The following VPS13C variants were observed in gnomAD, a reference collection of about 807,000 sequenced individuals.
The protein encoded by VPS13C is vacuolar protein sorting 13 homolog C.
In VPS13C, 358 loss-of-function variants were observed where a neutral mutation model predicts 456.8. The ratio of observed to expected loss-of-function variants is 0.78; its 90% CI spans 0.72 to 0.86. The LOEUF (loss-of-function observed/expected upper bound fraction) is 0.86. Ranked by LOEUF, VPS13C falls within the 40% of genes least tolerant of loss-of-function variation. The pLI is 0.00. For missense variants in VPS13C, 4,818 were observed against 4,385.4 expected (o/e 1.10, Z -2.79); for synonymous variants, 1,578 against 1,486.7 (o/e 1.06, Z -1.41).
At chr15:61,918,349 A>C in intron 58 of VPS13C, 92 bp from the exon 59 acceptor site, 1 of 1,236,958 alleles carries the variant, frequency 8.1e-7, no homozygotes, top group African/African-American at 1.6e-5. Context: ...TAGATCTAAA[A>C]AATTTCAAAC....
chr15:61,994,730 C>T (rs1284263237), intron 16 of VPS13C, among the ~76,000 whole-genome samples: 1 of 151,972 alleles, frequency 6.6e-6, no homozygotes, highest in Non-Finnish European at 1.5e-5. Context: ...GCTGAGATTA[C>T]ATGTGTGTGC....
In VPS13C at chr15:61,925,485, T is replaced by A; in HGVS notation, c.6580A>T (p.Asn2194Tyr). Residue 2194 changes from asparagine to tyrosine, a missense_variant, in exon 53 of 85, where the codon AAT (asparagine) becomes TAT (tyrosine). By Grantham distance (143) the Asn-to-Tyr change is moderately radical. This residue lies in a region of VPS13C where 4,552 missense variants were observed against 4,130.6 expected (regional missense o/e 1.10). Transcript: ENST00000644861. ...CTWASGKQNI[N>Y]IMVKEFIIKI... ...ATTATAAATTCTTTAACCATAATAT[T>A]TATATTTTGCTTTCCTGAAGCCCAC... The A allele has an allele frequency of 6.3e-7, 1 of 1,599,918 alleles. No individual in the cohort carries two copies. The highest frequency in any genetic ancestry group is 8.5e-7 in the Non-Finnish European group (1 of 1,172,170).
chr15:61,949,066 G>GT (rs1305819172), intron 42 of VPS13C, among the ~76,000 whole-genome samples: 3 of 152,140 alleles, frequency 2.0e-5, no homozygotes, highest in Non-Finnish European at 4.4e-5. Context: ...TGAGCACCAG[G>GT]TAAGTCTACC....
rs755887725 is a variant in VPS13C, at chr15:61,927,215, G to A, written c.6392C>T (p.Ser2131Leu). The change falls in exon 52 of 85, where the codon TCG becomes TTG. Residue 2131 changes from serine (S) to leucine (L), a missense_variant. Ser to Leu is a moderately radical substitution (Grantham distance 145). Around this residue, in one of 3 missense-constraint regions of VPS13C, gnomAD observed 4,552 missense variants for 4,130.6 expected, o/e 1.10. Coordinates refer to ENST00000644861, the MANE Select transcript of VPS13C (RefSeq NM_020821.3). The stretch of plus-strand genomic sequence containing the variant: ...TGACAGAGAAAGGTTGCACTGAAAC[G>A]AGGCTGTCAGAGCAGGAGCATCAGC... Reference protein sequence around the residue: ...TKADAPALTASFQCNLSLSTS... With the variant: ...TKADAPALTALFQCNLSLSTS... The A allele has an allele frequency of 2.7e-5, 43 of 1,614,054 alleles. No individual in the cohort carries two copies. Among genetic ancestry groups the A allele is most frequent in the South Asian group, 2.0e-4 (18 of 91,092 alleles).
chr15:61,866,437 G>GA (rs1894597380), intron 81 of VPS13C: 2 of 984,060 alleles, frequency 2.0e-6, no homozygotes, highest in South Asian at 4.7e-5. Flanking sequence ...AAACAATTAA[G>GA]AAAAAATCTT....
chr15:61,902,569 G>C (rs2043032962), intron 66 of VPS13C, among the ~76,000 whole-genome samples: 1 of 149,190 alleles, frequency 6.7e-6, no homozygotes, highest in Non-Finnish European at 1.5e-5. Flanking sequence ...CATGACACAT[G>C]ACATTAATAG....
chr15:61,974,600 CA>C (rs1413597283), intron 24 of VPS13C, among the ~76,000 whole-genome samples, 183 bp from the exon 25 acceptor site: 1 of 152,130 alleles, frequency 6.6e-6, no homozygotes, highest in East Asian at 1.9e-4. Context: ...GCTAAGTTTT[CA>C]GATAATTTCA....
At chr15:61,896,888 T>C (rs939729801) in intron 66 of VPS13C, among the ~76,000 whole-genome samples, 4 of 152,110 alleles carry the variant, frequency 2.6e-5, no homozygotes, top group East Asian at 3.9e-4. Context: ...GTTCTCCCAG[T>C]ATGCAGCTGG....
rs570407659 is a variant in VPS13C, at chr15:61,901,897, T to C, written c.9105+5367A>G. Among the ~76,000 whole-genome samples the C allele has an allele frequency of 1.4e-4, 21 of 151,916 alleles. No homozygotes were observed. The South Asian group carries it at 4.4e-3, about 32-fold the overall frequency. ...ACAATGATAGACTGGATTAAGAAAA[T>C]GTGGCACATATACACCATGAAATAC... is the stretch of plus-strand genomic sequence containing the variant. On this transcript the variant is annotated intron_variant, in intron 66 of 84. Transcript: ENST00000644861.
At chr15:61,949,115 G>A (rs1188737469) in intron 42 of VPS13C, among the ~76,000 whole-genome samples, 1 of 152,142 alleles carries the variant, frequency 6.6e-6, no homozygotes, top group Non-Finnish European at 1.5e-5. Flanking sequence ...TTGTATGACT[G>A]AATCATAACT....
At chr15:61,862,561 G>C (rs1894283950) in intron 82 of VPS13C, among the ~76,000 whole-genome samples, 1 of 152,074 alleles carries the variant, frequency 6.6e-6, no homozygotes, top group South Asian at 2.1e-4. Flanking sequence ...ATTGTTTTTG[G>C]CTTAATCTAT....
rs1415107562 is a variant in VPS13C, at chr15:61,984,935, T to G, written c.1643A>C (p.Asn548Thr). The G allele has an allele frequency of 6.2e-7, 1 of 1,612,244 alleles. No individual in the cohort carries two copies. Among genetic ancestry groups the G allele is most frequent in the Admixed American group, 1.7e-5 (1 of 59,722 alleles). ...STSVTIRENK[N>T]IPEILKIQII... ...CTGAATTTTTAGTATTTCTGGAATATTCTTGTTTTCTCTTATCGTAACAGA... is the reference window on the plus strand; with the variant it reads ...CTGAATTTTTAGTATTTCTGGAATAGTCTTGTTTTCTCTTATCGTAACAGA... Residue 548 changes from asparagine (N) to threonine (T), a missense_variant, in exon 19 of 85, where the codon AAT becomes ACT. Asn to Thr is a moderately conservative substitution (Grantham distance 65). This residue lies in a region of VPS13C where 4,552 missense variants were observed against 4,130.6 expected (regional missense o/e 1.10). Coordinates refer to ENST00000644861, the MANE Select transcript of VPS13C (RefSeq NM_020821.3).
At chr15:61,928,424 T>C (rs2043941577) in intron 51 of VPS13C, among the ~76,000 whole-genome samples, 1 of 152,138 alleles carries the variant, frequency 6.6e-6, no homozygotes, top group Admixed American at 6.5e-5. Flanking sequence ...ACTGTAAATA[T>C]ATTCAATGCA....
intron 57 of VPS13C, among the ~76,000 whole-genome samples, chr15:61,919,733 G>A (rs2043588034): frequency 6.6e-6 from 1 of 150,436 alleles, no homozygotes; most frequent in Non-Finnish European, 1.5e-5. Context: ...TTGTCACAGT[G>A]TCAACACTGT....
At chr15:62,059,001 T>C (rs1407907255) in intron 1 of VPS13C, among the ~76,000 whole-genome samples, 1 of 150,884 alleles carries the variant, frequency 6.6e-6, no homozygotes, top group Non-Finnish European at 1.5e-5. Context: ...TTGCCCAATA[T>C]ATGTTCCATA....
intron 16 of VPS13C, among the ~76,000 whole-genome samples, chr15:61,993,749 A>G (rs77977843): frequency 0.012 from 1,772 of 151,982 alleles, 44 homozygotes; most frequent in African/African-American, 0.041. Context: ...ACGTTTGTCA[A>G]TTACCATTTA....
At chr15:61,893,073 A>G (rs117069473) in intron 66 of VPS13C, among the ~76,000 whole-genome samples, 1,686 of 152,330 alleles carry the variant, frequency 0.011, 14 homozygotes, top group Non-Finnish European at 0.019. Context: ...TTAATTAAAG[A>G]ATTAACAAGA....
At chr15:61,943,793 A>G (rs2044512257) in intron 45 of VPS13C, among the ~76,000 whole-genome samples, 1 of 152,068 alleles carries the variant, frequency 6.6e-6, no homozygotes. Flanking sequence ...GACAAGTGAG[A>G]CCTAATTAAA....
chr15:61,919,584 T>C (rs974155570), intron 57 of VPS13C, 135 bp from the exon 58 acceptor site: 18 of 955,682 alleles, frequency 1.9e-5, no homozygotes, highest in Middle Eastern at 6.5e-4. Context: ...ATTGCTTTTC[T>C]AAGACATAAA....
Sources: allele counts gnomAD v4.1 joint callset (sites outside exome capture counted in the v4.1 genomes callset), GRCh38; gene constraint gnomAD v4.1.1; regional missense constraint gnomAD v4.1.1; transcripts MANE v1.5; gene names NCBI Gene and HGNC (gene_info 2026-07-23, HGNC 2026-07-21).